The following HS3ST5 variants were observed in gnomAD, a reference collection of about 807,000 sequenced individuals.
The protein encoded by HS3ST5 is heparan sulfate-glucosamine 3-sulfotransferase 5.
In HS3ST5, 10 loss-of-function variants were observed where a neutral mutation model predicts 25.4. That is an observed-to-expected ratio of 0.39 (90% CI 0.24 to 0.67). The LOEUF (loss-of-function observed/expected upper bound fraction) is 0.67. Ranked by LOEUF, HS3ST5 falls within the 30% of genes least tolerant of loss-of-function variation. The probability of loss-of-function intolerance (pLI) is 0.44; values close to 1 mark genes in which losing one functional copy is unlikely to be tolerated. For synonymous variants in HS3ST5, 170 were observed against 162.4 expected, an observed-to-expected ratio of 1.05 and a Z score of -0.36; for missense variants, 324 against 420.7, an observed-to-expected ratio of 0.77 and a Z score of 2.01.
chr6:114,321,547 C>T (rs151125433), intron 1 of HS3ST5, among the ~76,000 whole-genome samples: 48 of 152,206 alleles, frequency 3.2e-4, no homozygotes, highest in African/African-American at 1.2e-3. Flanking sequence ...AATCCATTGC[C>T]ATCTCTCAAT....
intron 1 of HS3ST5, among the ~76,000 whole-genome samples, chr6:114,264,835 T>G (rs1392921225): frequency 6.6e-6 from 1 of 152,052 alleles, no homozygotes; most frequent in Non-Finnish European, 1.5e-5. Flanking sequence ...ATTTGAAAGT[T>G]GAAGAAAGGA....
rs1404843076 is a variant in HS3ST5 at position 114,056,441 on chromosome 6, A to G, written c.*816T>C. 1.3e-5 allele frequency: 1 copy of G among 76,750 alleles called. No individual in the cohort carries two copies. Among genetic ancestry groups the G allele is most frequent in the African/African-American group, 4.4e-5 (1 of 22,956 alleles). 4.8% of individuals were successfully genotyped at this position (76,750 alleles called of 1,614,324 possible). Reference sequence around the variant, plus strand: ...GGGGGCACGTAAAACAAAATGAGTAAAAAAAAAAAAAATTGCACATAGAGT... The same window carrying G: ...GGGGGCACGTAAAACAAAATGAGTAGAAAAAAAAAAAATTGCACATAGAGT... On this transcript the variant is annotated 3_prime_UTR_variant, in exon 5 of 5. Transcript: ENST00000312719.
At chr6:114,189,092 G>A (rs1184202562) in intron 2 of HS3ST5, among the ~76,000 whole-genome samples, 3 of 152,014 alleles carry the variant, frequency 2.0e-5, no homozygotes, top group African/African-American at 4.8e-5. Flanking sequence ...GAGAAAGGGT[G>A]TATATAAGGC....
At chr6:114,073,718 C>T (rs1773965163) in intron 3 of HS3ST5, among the ~76,000 whole-genome samples, 1 of 152,176 alleles carries the variant, frequency 6.6e-6, no homozygotes, top group South Asian at 2.1e-4. Flanking sequence ...CTAGTTCAAT[C>T]ATTGTGGAAG....
intron 1 of HS3ST5, among the ~76,000 whole-genome samples, chr6:114,311,475 A>G (rs1775527829): frequency 6.8e-6 from 1 of 147,224 alleles, no homozygotes; most frequent in Non-Finnish European, 1.5e-5. Context: ...ATATAAAGCT[A>G]TTTTTAAATT....
chr6:114,197,440 T>C (rs928170527), intron 2 of HS3ST5, among the ~76,000 whole-genome samples: 4 of 152,154 alleles, frequency 2.6e-5, no homozygotes, highest in African/African-American at 9.6e-5. Flanking sequence ...TTATAATCAT[T>C]TGTCAAATTT....
At chr6:114,183,529 A>G (rs148927492) in intron 2 of HS3ST5, among the ~76,000 whole-genome samples, 71 of 152,276 alleles carry the variant, frequency 4.7e-4, no homozygotes, top group Non-Finnish European at 9.6e-4. Flanking sequence ...TCCTCATTTT[A>G]TATACATATA....
rs374644350 is a variant in HS3ST5, at chr6:114,073,265, G to A, written c.-32-10388C>T. ...TCATGACTAAAACACCAAAAGCAAT[G>A]GCCACCAAAGCCAAAATAGACAAAT... On this transcript the variant is annotated intron_variant, in intron 3 of 4. Coordinates refer to ENST00000312719, the MANE Select transcript of HS3ST5 (RefSeq NM_153612.4). Among the ~76,000 whole-genome samples the A allele has an allele frequency of 1.7e-4, 26 of 152,232 alleles. No individual in the cohort carries two copies. In the South Asian group the frequency reaches 5.4e-3, roughly 32 times the overall value.
intron 1 of HS3ST5, among the ~76,000 whole-genome samples, chr6:114,309,277 A>C (rs1396397806): frequency 6.6e-6 from 1 of 152,222 alleles, no homozygotes; most frequent in African/African-American, 2.4e-5. Flanking sequence ...CTTAAAGTAC[A>C]AATAGAGTTG....
chr6:114,229,946 G>C (rs1018417723), intron 1 of HS3ST5, among the ~76,000 whole-genome samples: 1 of 152,122 alleles, frequency 6.6e-6, no homozygotes, highest in African/African-American at 2.4e-5. Flanking sequence ...AAACCATTCA[G>C]TTGTCGTTTC....
intron 3 of HS3ST5, among the ~76,000 whole-genome samples, chr6:114,065,961 C>T (rs1773423934): frequency 6.6e-6 from 1 of 152,218 alleles, no homozygotes; most frequent in South Asian, 2.1e-4. Context: ...CTGTTTTTAG[C>T]TCCAGTCCAC....
At chr6:114,106,635 GTTAAAACTTTCCT>G (rs1409889877) in intron 3 of HS3ST5, among the ~76,000 whole-genome samples, 1 of 152,022 alleles carries the variant, frequency 6.6e-6, no homozygotes, top group Non-Finnish European at 1.5e-5. Flanking sequence ...TTAACATGAA[GTTAAAACTTTCCT>G]TTTGAAAAAA....
intron 2 of HS3ST5, among the ~76,000 whole-genome samples, chr6:114,218,703 GTTGTATTAC>G (rs1781886842): frequency 6.6e-6 from 1 of 152,182 alleles, no homozygotes. Flanking sequence ...TAGAATCAGA[GTTGTATTAC>G]TTGGTCCCTG....
intron 1 of HS3ST5, among the ~76,000 whole-genome samples, chr6:114,288,558 CT>C (rs113725754): frequency 0.032 from 4,893 of 152,028 alleles, 278 homozygotes; most frequent in African/African-American, 0.11. Context: ...TCTTGGAATC[CT>C]TGCTCTTGGA....
At chr6:114,089,208 G>A (rs1015481793) in intron 3 of HS3ST5, among the ~76,000 whole-genome samples, 6 of 152,184 alleles carry the variant, frequency 3.9e-5, no homozygotes, top group African/African-American at 1.4e-4. Flanking sequence ...GCAATGGGGA[G>A]CTATATTTAA....
chr6:114,323,839 T>G (rs1222328210), intron 1 of HS3ST5, among the ~76,000 whole-genome samples: 1 of 152,154 alleles, frequency 6.6e-6, no homozygotes, highest in African/African-American at 2.4e-5. Context: ...ACAGGGTGTT[T>G]CGAAGATTCT....
intron 3 of HS3ST5, among the ~76,000 whole-genome samples, chr6:114,096,078 T>C (rs1313983939): frequency 6.6e-6 from 1 of 152,186 alleles, no homozygotes; most frequent in Non-Finnish European, 1.5e-5. Context: ...GGATGTATTT[T>C]AAACCTTCAG....
chr6:114,139,707 C>T (rs1037763732), intron 3 of HS3ST5, among the ~76,000 whole-genome samples: 28 of 152,180 alleles, frequency 1.8e-4, no homozygotes, highest in Non-Finnish European at 5.9e-5. Flanking sequence ...TAGCTCTCAA[C>T]TACCATTTAT....
At chr6:114,332,583 T>A (rs1324236472) in intron 1 of HS3ST5, among the ~76,000 whole-genome samples, 1 of 152,108 alleles carries the variant, frequency 6.6e-6, no homozygotes, top group Non-Finnish European at 1.5e-5. Flanking sequence ...GCTTCCTATA[T>A]AATCCAGACA....
Sources: gnomAD v4.1 joint callset for allele counts (sites outside exome capture counted in the v4.1 genomes callset) on GRCh38, gnomAD v4.1.1 for gene constraint, MANE v1.5 for transcripts, NCBI Gene and HGNC (gene_info 2026-07-23, HGNC 2026-07-21) for gene names.